The following SLC30A9 variants were observed in gnomAD, a reference collection of about 807,000 sequenced individuals.
SLC30A9 encodes the protein proton-coupled zinc antiporter SLC30A9, mitochondrial.
In SLC30A9, 58 loss-of-function variants were observed where a neutral mutation model predicts 87.5. That is an observed-to-expected ratio of 0.66 (90% CI 0.54 to 0.82). The LOEUF (loss-of-function observed/expected upper bound fraction) is 0.82. Ranked by LOEUF, SLC30A9 falls within the 40% of genes least tolerant of loss-of-function variation. SLC30A9 has a pLI of 0.00. For synonymous variants in SLC30A9, 234 were observed against 233.0 expected (o/e 1.00, Z -0.04); for missense variants, 557 against 679.1 (o/e 0.82, Z 2.00).
intron 9 of SLC30A9, among the ~76,000 whole-genome samples, chr4:42,052,937 G>T (rs1049808936): frequency 6.6e-6 from 1 of 152,112 alleles, no homozygotes; most frequent in Admixed American, 6.5e-5. Flanking sequence ...AAATAAATAC[G>T]CATAGATTGG....
At chr4:42,004,961 C>T (rs1265877606) in intron 2 of SLC30A9, among the ~76,000 whole-genome samples, 1 of 152,026 alleles carries the variant, frequency 6.6e-6, no homozygotes. Flanking sequence ...CCATATTTTT[C>T]ATTTCTAGAA....
chr4:42,082,973 C>A (rs944957734), intron 17 of SLC30A9, among the ~76,000 whole-genome samples: 10 of 151,896 alleles, frequency 6.6e-5, no homozygotes, highest in African/African-American at 1.9e-4. Context: ...TAAAATATAT[C>A]TTGTTATTAT....
intron 1 of SLC30A9, among the ~76,000 whole-genome samples, chr4:42,001,172 G>A (rs1714967552): frequency 6.6e-6 from 1 of 152,016 alleles, no homozygotes; most frequent in African/African-American, 2.4e-5. Context: ...GTGACAGTAT[G>A]AATGAATGAT....
intron 11 of SLC30A9, among the ~76,000 whole-genome samples, chr4:42,064,175 A>G (rs1052233955): frequency 1.3e-5 from 2 of 152,182 alleles, no homozygotes; most frequent in African/African-American, 4.8e-5. Context: ...TCACCAAAGA[A>G]ATCTTCATTT....
Position 42,088,522 on chromosome 4 carries a change from CA to C in SLC30A9, c.*2397del, listed in dbSNP as rs1439232475. On this transcript the variant is annotated 3_prime_UTR_variant, in exon 18 of 18. Transcript: ENST00000264451. ...TCTGCAGACTGAACAGGAAACATAG[CA>C]GCTTCTGCTTCTGGGGAGGCCTCGG... 9 of 152,310 alleles carry C rather than the reference CA, an allele frequency of 5.9e-5. No homozygotes were observed. The highest frequency in any genetic ancestry group is 5.9e-4 in the Admixed American group (9 of 15,278). 9.4% of individuals were successfully genotyped at this position (152,310 alleles called of 1,614,324 possible).
At chr4:42,078,470 A>C in intron 17 of SLC30A9, 145 bp downstream of exon 17, 1 of 487,368 alleles carries the variant, frequency 2.1e-6, no homozygotes, top group Non-Finnish European at 3.7e-6. Flanking sequence ...TATAAGCAAG[A>C]AAATGACTGG....
At chr4:42,056,048 T>G (rs961966663) in intron 9 of SLC30A9, among the ~76,000 whole-genome samples, 1 of 152,200 alleles carries the variant, frequency 6.6e-6, no homozygotes, top group Admixed American at 6.5e-5. Flanking sequence ...CTGTCTTACC[T>G]CTGAGGAGAG....
intron 14 of SLC30A9, among the ~76,000 whole-genome samples, chr4:42,069,238 C>G (rs1241275382): frequency 6.6e-6 from 1 of 152,026 alleles, no homozygotes; most frequent in African/African-American, 2.4e-5. Context: ...TAATAGAAAC[C>G]AATCAAATCA....
At chr4:41,996,802 G>A (rs145035108) in intron 1 of SLC30A9, among the ~76,000 whole-genome samples, 55 of 152,246 alleles carry the variant, frequency 3.6e-4, no homozygotes, top group Non-Finnish European at 7.1e-4. Flanking sequence ...GGGAGGCCAA[G>A]GAGGGTGGAT....
chr4:42,027,060 T>C (rs1716222221), intron 6 of SLC30A9, among the ~76,000 whole-genome samples: 1 of 152,208 alleles, frequency 6.6e-6, no homozygotes, highest in Non-Finnish European at 1.5e-5. Context: ...AAATAACTTT[T>C]GCCGGTGTTA....
At chr4:42,069,189 C>T (rs1352604239) in intron 14 of SLC30A9, among the ~76,000 whole-genome samples, 1 of 152,110 alleles carries the variant, frequency 6.6e-6, no homozygotes, top group Non-Finnish European at 1.5e-5. Flanking sequence ...TGACTTGATG[C>T]AGATGTCAAC....
chr4:42,035,413 A>T (rs1026034744), intron 7 of SLC30A9, 80 bp downstream of exon 7: 2 of 1,485,884 alleles, frequency 1.3e-6, no homozygotes, highest in East Asian at 4.7e-5. Context: ...AAATTCTAGC[A>T]TGTCTGTGAT....
chr4:42,067,023 C>T (rs1718106695), intron 13 of SLC30A9, 62 bp from the exon 14 acceptor site: 5 of 902,528 alleles, frequency 5.5e-6, no homozygotes, highest in African/African-American at 1.7e-5. Context: ...TAAAATGTTA[C>T]CTGATAGTAT....
chr4:42,014,141 C>T (rs1488440003), intron 2 of SLC30A9, among the ~76,000 whole-genome samples: 1 of 152,162 alleles, frequency 6.6e-6, no homozygotes, highest in Non-Finnish European at 1.5e-5. Flanking sequence ...TGCTTAACAT[C>T]ATTGATCATC....
intron 17 of SLC30A9, among the ~76,000 whole-genome samples, chr4:42,079,586 G>A (rs1309059066): frequency 2.7e-5 from 4 of 147,408 alleles, no homozygotes; most frequent in African/African-American, 9.9e-5. Context: ...TTACAGGAGT[G>A]AGCCACCCCA....
chr4:42,063,139 T>C lies in SLC30A9; in HGVS notation c.1032+18T>C. On this transcript the variant is annotated intron_variant, in intron 11 of 17. Transcript: ENST00000264451. ...TTCTATGGGTAATCCTCTTTTTTTC[T>C]CCTCAGTTTTGATGTCTTATGACAT... 5.6e-6 allele frequency: 9 copies of C among 1,610,976 alleles called. No individual in the cohort carries two copies. Among genetic ancestry groups the C allele is most frequent in the Non-Finnish European group, 7.6e-6 (9 of 1,178,580 alleles).
At chr4:41,996,567 C>T (rs1313660076) in intron 1 of SLC30A9, among the ~76,000 whole-genome samples, 1 of 151,572 alleles carries the variant, frequency 6.6e-6, no homozygotes, top group Non-Finnish European at 1.5e-5. Context: ...GGCAAAATCC[C>T]ATCTCTACAA....
rs1321606859 is a variant in SLC30A9, at chr4:42,090,275, G to A, written c.*4149G>A. The A allele has an allele frequency of 6.6e-6, 1 of 152,186 alleles. No homozygotes were observed. The highest frequency in any genetic ancestry group is 1.9e-4 in the East Asian group (1 of 5,202). 9.4% of individuals were successfully genotyped at this position (152,186 alleles called of 1,614,324 possible). ...CTTTGGAAGCCATTTATATAGATTA[G>A]TCTGACAGCCTTTATATTTGCATGT... On this transcript the variant is annotated 3_prime_UTR_variant, in exon 18 of 18. Coordinates refer to ENST00000264451, the MANE Select transcript of SLC30A9 (RefSeq NM_006345.4).
chr4:42,067,228 C>A, intron 14 of SLC30A9, 36 bp downstream of exon 14: 1 of 1,245,182 alleles, frequency 8.0e-7, no homozygotes, highest in South Asian at 1.2e-5. Flanking sequence ...ATTTATTTGT[C>A]CTACTTAAAT....
Sources: allele counts gnomAD v4.1 joint callset (sites outside exome capture counted in the v4.1 genomes callset), GRCh38; gene constraint gnomAD v4.1.1; transcripts MANE v1.5; gene names NCBI Gene and HGNC (gene_info 2026-07-23, HGNC 2026-07-21).